Variants in SNX33 observed in about 807,000 individuals in gnomAD.
The protein encoded by SNX33 is sorting nexin-33.
Under a neutral mutation model 38.8 loss-of-function variants are expected in SNX33, and 19 were observed. The ratio of observed to expected loss-of-function variants is 0.49; its 90% CI spans 0.34 to 0.72. The LOEUF is 0.72. Ranked by LOEUF, SNX33 falls within the 30% of genes least tolerant of loss-of-function variation. The pLI is 0.01. For synonymous variants in SNX33, 246 were observed against 289.7 expected, an observed-to-expected ratio of 0.85 and a Z score of 1.53; for missense variants, 641 against 776.4, an observed-to-expected ratio of 0.83 and a Z score of 2.07.
In SNX33 at chr15:75,659,053, G is replaced by A. The variant is rs1175663866; in HGVS notation, c.*1838G>A. The A allele has an allele frequency of 2.0e-5, 3 of 152,460 alleles. No individual in the cohort carries two copies. The highest frequency in any genetic ancestry group is 6.5e-5 in the Admixed American group (1 of 15,302). 9.4% of individuals were successfully genotyped at this position (152,460 alleles called of 1,614,324 possible). On this transcript the variant is annotated 3_prime_UTR_variant, in exon 2 of 2. Coordinates refer to ENST00000308527, the MANE Select transcript of SNX33 (RefSeq NM_153271.2). ...TTGAAAAGCCCTAGTCCAGGGGAGGGAAGTGGGGGACTCAGAAGCTGTGTC... is the reference window on the plus strand; with the variant it reads ...TTGAAAAGCCCTAGTCCAGGGGAGGAAAGTGGGGGACTCAGAAGCTGTGTC...
At position 75,657,225 on chromosome 15, in the gene SNX33, C is replaced by A. The variant is rs769530325; in HGVS notation, c.*10C>A. 1 of 1,613,164 alleles carries A rather than the reference C, an allele frequency of 6.2e-7. No homozygotes were observed. Among genetic ancestry groups the A allele is most frequent in the African/African-American group, 1.3e-5 (1 of 75,036 alleles). ...GTATGACAACCTCTGACCGCGTGTG[C>A]CTGGGCCCCCTCCTTCCCCTGGGCC... On this transcript the variant is annotated 3_prime_UTR_variant, in exon 2 of 2. Transcript: ENST00000308527. This position sits in a 1 kb window ranked among gnomAD's most constrained non-coding sequence, Gnocchi z 5.5.
chr15:75,656,316 G>A (rs1224118874), intron 1 of SNX33, among the ~76,000 whole-genome samples: 2 of 152,254 alleles, frequency 1.3e-5, no homozygotes, highest in Non-Finnish European at 2.9e-5. Flanking sequence ...GAATCCAGGG[G>A]GCAGAGGTAG....
rs1893693626 is a variant in SNX33 at position 75,659,259 on chromosome 15, G to T, written c.*2044G>T. 6.6e-6 allele frequency: 1 copy of T among 152,548 alleles called. No homozygotes were observed. The highest frequency in any genetic ancestry group is 2.1e-4 in the South Asian group (1 of 4,844). 9.4% of individuals were successfully genotyped at this position (152,548 alleles called of 1,614,324 possible). ...TTGGCTCTCCTTTGGAGGCAATGGGGACTTGGTGGAGGGAGGGCTTCCAGG... is the reference window on the plus strand; with the variant it reads ...TTGGCTCTCCTTTGGAGGCAATGGGTACTTGGTGGAGGGAGGGCTTCCAGG... On this transcript the variant is annotated 3_prime_UTR_variant, in exon 2 of 2. Transcript: ENST00000308527.
At chr15:75,653,087 G>C (rs1161245129) in intron 1 of SNX33, among the ~76,000 whole-genome samples, 1 of 152,192 alleles carries the variant, frequency 6.6e-6, no homozygotes, top group Non-Finnish European at 1.5e-5. Context: ...TCAGTCTCTA[G>C]GTGAGTAAAA....
In SNX33 at chr15:75,659,027, C is replaced by A. The variant is rs913288441; in HGVS notation, c.*1812C>A. The A allele has an allele frequency of 6.6e-6, 1 of 152,278 alleles. No individual in the cohort carries two copies. The highest frequency in any genetic ancestry group is 2.1e-4 in the South Asian group (1 of 4,832). 9.4% of individuals were successfully genotyped at this position (152,278 alleles called of 1,614,324 possible). A position where few individuals can be genotyped will look rare whatever the true frequency, so the allele number is the denominator to read the frequency against. On this transcript the variant is annotated 3_prime_UTR_variant, in exon 2 of 2. Coordinates refer to ENST00000308527, the MANE Select transcript of SNX33 (RefSeq NM_153271.2). ...CAAGGAGCCATGCCCTGGCCTTGCCCTTGAAAAGCCCTAGTCCAGGGGAGG... is the reference window on the plus strand; with the variant it reads ...CAAGGAGCCATGCCCTGGCCTTGCCATTGAAAAGCCCTAGTCCAGGGGAGG...
chr15:75,652,553 C>T (rs956404463), intron 1 of SNX33, among the ~76,000 whole-genome samples: 7 of 152,234 alleles, frequency 4.6e-5, no homozygotes, highest in African/African-American at 1.7e-4. Context: ...CCAGACCAGC[C>T]TTTCTGACCC....
chr15:75,661,589 T>C lies in SNX33; in HGVS notation c.*4374T>C, dbSNP rs1893724844. ...TTTTGTTGGTCAAACCCCAGTGCAG[T>C]GCAGTCTGTTTAAGAAGTAGTGTCG... On this transcript the variant is annotated 3_prime_UTR_variant, in exon 2 of 2. Transcript: ENST00000308527. This position sits in a 1 kb window ranked among gnomAD's most constrained non-coding sequence, Gnocchi z 4.5. 6.6e-6 allele frequency: 1 copy of C among 152,246 alleles called. No homozygotes were observed. Among genetic ancestry groups the C allele is most frequent in the African/African-American group, 2.4e-5 (1 of 41,450 alleles). The allele number at this position is 152,246 out of a possible 1,614,324, so 9.4% of individuals were successfully genotyped here.
chr15:75,649,469 G>C lies in SNX33; in HGVS notation c.367G>C (p.Gly123Arg). The change falls in exon 1 of 2, where the codon GGA (glycine) becomes CGA (arginine). Residue 123 changes from glycine (G) to arginine (R), a missense_variant. This residue lies in a region of SNX33 where 243 missense variants were observed against 233.9 expected (regional missense o/e 1.04). Transcript: ENST00000308527. The surrounding 1 kb of genome is among the most constrained non-coding windows in gnomAD (Gnocchi z 6.6). ...TGATGACTGGGATGACTGGGACGACGGATGCACAGTGGTGGAGGAGCCACG... is the reference window on the plus strand; with the variant it reads ...TGATGACTGGGATGACTGGGACGACCGATGCACAGTGGTGGAGGAGCCACG... ...DDDDWDDWDD[G>R]CTVVEEPRAG... 1 of 1,539,316 alleles carries C rather than the reference G, an allele frequency of 6.5e-7. No homozygotes were observed. The highest frequency in any genetic ancestry group is 8.8e-7 in the Non-Finnish European group (1 of 1,140,964).
rs1893712571 is a variant in SNX33, at chr15:75,660,621, C to T, written c.*3406C>T. 6.5e-6 allele frequency: 1 copy of T among 153,004 alleles called. No homozygotes were observed. The highest frequency in any genetic ancestry group is 2.4e-5 in the African/African-American group (1 of 41,466). 9.5% of individuals were successfully genotyped at this position (153,004 alleles called of 1,614,324 possible). On this transcript the variant is annotated 3_prime_UTR_variant, in exon 2 of 2. Transcript: ENST00000308527. Reference sequence around the variant, plus strand: ...AGCCACACATGCCTTGCCATCCATTCAAAGCACCAGTGGCTACTTTGTCAG... The same window carrying T: ...AGCCACACATGCCTTGCCATCCATTTAAAGCACCAGTGGCTACTTTGTCAG...
Position 75,660,182 on chromosome 15 carries a change from G to A in SNX33, c.*2967G>A, listed in dbSNP as rs372125897. ...CTGCCCTGGACAGCTACCAGCACCCGGGGTAGGGGATCCCCTGGTCACCAG... is the reference window on the plus strand; with the variant it reads ...CTGCCCTGGACAGCTACCAGCACCCAGGGTAGGGGATCCCCTGGTCACCAG... On this transcript the variant is annotated 3_prime_UTR_variant, in exon 2 of 2. Coordinates refer to ENST00000308527, the MANE Select transcript of SNX33 (RefSeq NM_153271.2). 13 of 152,360 alleles carry A rather than the reference G, an allele frequency of 8.5e-5. No individual in the cohort carries two copies. The highest frequency in any genetic ancestry group is 7.7e-4 in the East Asian group (4 of 5,176). The allele number at this position is 152,360 out of a possible 1,614,324, so 9.4% of individuals were successfully genotyped here. A position where few individuals can be genotyped will look rare whatever the true frequency, so the allele number is the denominator to read the frequency against.
rs1893666814 is a variant in SNX33, at chr15:75,657,335, G to A, written c.*120G>A. 2.0e-6 allele frequency: 3 copies of A among 1,486,658 alleles called. No homozygotes were observed. The highest frequency in any genetic ancestry group is 2.5e-5 in the South Asian group (2 of 79,030). 92.1% of individuals were successfully genotyped at this position (1,486,658 alleles called of 1,614,324 possible). A position where few individuals can be genotyped will look rare whatever the true frequency, so the allele number is the denominator to read the frequency against. On this transcript the variant is annotated 3_prime_UTR_variant, in exon 2 of 2. Transcript: ENST00000308527. This position sits in a 1 kb window ranked among gnomAD's most constrained non-coding sequence, Gnocchi z 5.5. ...GGGTCAGCGGTGGGGGAGATAAGCG[G>A]CCTGTCCTGCCTCCTGGGAGAAGGA... is the stretch of plus-strand genomic sequence containing the variant.
chr15:75,651,431 A>C (rs749196669), intron 1 of SNX33, among the ~76,000 whole-genome samples: 4 of 152,086 alleles, frequency 2.6e-5, no homozygotes, highest in Non-Finnish European at 4.4e-5. Flanking sequence ...TTCAGTTCTC[A>C]TGACCCCCTC....
In SNX33 at chr15:75,648,359, A is replaced by AGCCGGCGGGGGCTCCGGCTGC. The variant is rs1489423520; in HGVS notation, c.-741_-721dup. ...TTCTGGGGCGGGGAGAGGGCGCCCGAGCCGGCGGGGGCTCCGGCTGCGCAG... is the reference window on the plus strand; with the variant it reads ...TTCTGGGGCGGGGAGAGGGCGCCCGAGCCGGCGGGGGCTCCGGCTGCGCCGGCGGGGGCTCCGGCTGCGCAG... On this transcript the variant is annotated 5_prime_UTR_variant, in exon 1 of 2. Coordinates refer to ENST00000308527, the MANE Select transcript of SNX33 (RefSeq NM_153271.2). The surrounding 1 kb of genome is among the most constrained non-coding windows in gnomAD (Gnocchi z 4.4). 7 of 984,968 alleles carry AGCCGGCGGGGGCTCCGGCTGC rather than the reference A, an allele frequency of 7.1e-6. No individual in the cohort carries two copies. In the African/African-American group the frequency reaches 8.8e-5, roughly 12 times the overall value. The allele number at this position is 984,968 out of a possible 1,614,324, so 61.0% of individuals were successfully genotyped here.
intron 1 of SNX33, 99 bp from the exon 2 acceptor site, chr15:75,656,863 C>T: frequency 1.3e-6 from 2 of 1,498,048 alleles, no homozygotes; most frequent in Non-Finnish European, 1.8e-6. Flanking sequence ...GGAATGACGT[C>T]CGAGTTGAGC....
intron 1 of SNX33, among the ~76,000 whole-genome samples, chr15:75,652,679 C>G (rs1328298569): frequency 6.6e-6 from 1 of 152,200 alleles, no homozygotes; most frequent in East Asian, 1.9e-4. Context: ...CAGAGGCCAG[C>G]CCACTGCCTT....
Sources: allele counts gnomAD v4.1 joint callset (sites outside exome capture counted in the v4.1 genomes callset), GRCh38; gene constraint gnomAD v4.1.1; regional missense constraint gnomAD v4.1.1; non-coding constraint Gnocchi (gnomAD v3.1); transcripts MANE v1.5; gene names NCBI Gene and HGNC (gene_info 2026-07-23, HGNC 2026-07-21).